TSSK6: variants seen among roughly 807,000 people sequenced by gnomAD.
TSSK6 encodes testis-specific serine/threonine-protein kinase 6.
Under a neutral mutation model 8.5 loss-of-function variants are expected in TSSK6, and 9 were observed. The observed-to-expected ratio is 1.06, with a 90% confidence interval of 0.64 to 1.85. The LOEUF is 1.85. Among genes scored for constraint, TSSK6 ranks in the 40% most tolerant of loss-of-function variants. TSSK6 has a pLI of 0.00. For missense variants in TSSK6, 311 were observed against 391.5 expected, an observed-to-expected ratio of 0.79 and a Z score of 1.73; for synonymous variants, 202 against 182.4, an observed-to-expected ratio of 1.11 and a Z score of -0.86.
In TSSK6 at chr19:19,514,723, C is replaced by T. The variant is rs2061037356; in HGVS notation, c.705G>A (p.Glu235=). The change falls in exon 1 of 1, where the codon GAG becomes GAA. Residue 235 remains glutamate (E), a synonymous_variant. Transcript: ENST00000585580. ...TCAGGGCCTTGCAGCGCTCGGACAG[C>T]TCGAGGCCTTCGGGATAGAGCACGC... ...KRGVLYPEGL[E]LSERCKALIA... is the part of the protein sequence containing the mutation. The T allele has an allele frequency of 6.2e-7, 1 of 1,602,414 alleles. No homozygotes were observed. Among genetic ancestry groups the T allele is most frequent in the South Asian group, 1.1e-5 (1 of 91,070 alleles).
rs779757829 is a variant in TSSK6 at position 19,515,168 on chromosome 19, TAC to T, written c.258_259del (p.Tyr87HisfsTer?). On this transcript the variant is annotated frameshift_variant, in exon 1 of 1. Transcript: ENST00000585580. LOFTEE classifies it low-confidence loss of function (END_TRUNC). ...GGTGGCGGCCGCTTCCATCACGATG[TAC>T]AGTTTCCCGTTGCACACCTCGATGA... is the stretch of plus-strand genomic sequence containing the variant. 7.8e-5 allele frequency: 126 copies of T among 1,607,570 alleles called. No individual in the cohort carries two copies. The highest frequency in any genetic ancestry group is 1.0e-4 in the Non-Finnish European group (118 of 1,179,908).
chr19:19,515,055 A>G lies in TSSK6; in HGVS notation c.373T>C (p.Tyr125His), dbSNP rs1418188676. The G allele has an allele frequency of 2.5e-6, 4 of 1,609,838 alleles. No individual in the cohort carries two copies. The highest frequency in any genetic ancestry group is 1.3e-5 in the African/African-American group (1 of 75,002). ...LFAQIAGAVR[Y>H]LHDHHLVHRD... ...TGCACCAGGTGATGATCGTGCAGGT[A>G]GCGCACGGCGCCGGCGATCTGCGCA... The change falls in exon 1 of 1, where the codon TAC becomes CAC. Residue 125 changes from tyrosine (Y) to histidine (H), a missense_variant. Tyr to His is a moderately conservative substitution (Grantham distance 83). Transcript: ENST00000585580.
In TSSK6 at chr19:19,514,695, C is replaced by T. The variant is rs1271819017; in HGVS notation, c.733G>A (p.Ala245Thr). ...ELSERCKALI[A>T]ELLQFSPSAR... ...GACGGGCTGAACTGCAGCAGCTCGG[C>T]GATCAGGGCCTTGCAGCGCTCGGAC... The change falls in exon 1 of 1, where the codon GCC becomes ACC. Residue 245 changes from alanine to threonine, a missense_variant. Ala to Thr is a moderately conservative substitution (Grantham distance 58). Coordinates refer to ENST00000585580, the MANE Select transcript of TSSK6 (RefSeq NM_032037.4). The T allele has an allele frequency of 1.2e-6, 2 of 1,600,990 alleles. No homozygotes were observed. The highest frequency in any genetic ancestry group is 2.2e-5 in the East Asian group (1 of 44,862).
At position 19,514,774 on chromosome 19, in the gene TSSK6, G is replaced by A. The variant is rs2061037819; in HGVS notation, c.654C>T (p.Ala218=). ...CGCGTTTCTGGCGCCGGGGCAGGCC[G>A]GCGATGTCCGAGTCGTCGAAGGGCA... ...GCMPFDDSDI[A]GLPRRQKRGV... The change falls in exon 1 of 1, where the codon GCC becomes GCT. Residue 218 remains alanine, a synonymous_variant. Transcript: ENST00000585580. The A allele has an allele frequency of 2.5e-6, 4 of 1,602,138 alleles. No homozygotes were observed. Among genetic ancestry groups the A allele is most frequent in the South Asian group, 1.1e-5 (1 of 91,028 alleles).
rs766485456 is a variant in TSSK6 at position 19,514,671 on chromosome 19, A to G, written c.757T>C (p.Ser253Pro). 1.3e-6 allele frequency: 2 copies of G among 1,599,398 alleles called. No individual in the cohort carries two copies. Among genetic ancestry groups the G allele is most frequent in the South Asian group, 1.1e-5 (1 of 91,000 alleles). ...LIAELLQFSP[S>P]ARPSAGQVAR... ...ACCTGGCCCGCGGAGGGCCTGGCGG[A>G]CGGGCTGAACTGCAGCAGCTCGGCG... is the stretch of plus-strand genomic sequence containing the variant. The change falls in exon 1 of 1, where the codon TCC (serine) becomes CCC (proline). Residue 253 changes from serine to proline, a missense_variant. Physicochemically the swap from Ser to Pro is moderately conservative, Grantham distance 74 (BLOSUM62 -1). Coordinates refer to ENST00000585580, the MANE Select transcript of TSSK6 (RefSeq NM_032037.4).
Position 19,514,580 on chromosome 19 carries a change from C to A in TSSK6, c.*26G>T. ...CGCCCTGGCCCAGTGCCCTTGGCTG[C>A]AGGAATGGCTGGAACCACCCGGCTT... On this transcript the variant is annotated 3_prime_UTR_variant, in exon 1 of 1. Transcript: ENST00000585580. 1 of 1,521,628 alleles carries A rather than the reference C, an allele frequency of 6.6e-7. No individual in the cohort carries two copies. Among genetic ancestry groups the A allele is most frequent in the Non-Finnish European group, 8.8e-7 (1 of 1,139,550 alleles). 94.3% of individuals were successfully genotyped at this position (1,521,628 alleles called of 1,614,324 possible).
chr19:19,514,892 G>T lies in TSSK6; in HGVS notation c.536C>A (p.Ser179Ter). Residue 179 changes from serine (S) to a stop codon, truncating the protein, a stop_gained, in exon 1 of 1, where the codon TCA becomes TAA. Coordinates refer to ENST00000585580, the MANE Select transcript of TSSK6 (RefSeq NM_032037.4). LOFTEE classifies it high-confidence loss of function. ...GGGGATGCCCAGGAGCACCTCGGGT[G>T]ACGCGTAGGCGGCTGAGCCGCAGTA... is the stretch of plus-strand genomic sequence containing the variant. ...TTYCGSAAYA[S>*]PEVLLGIPYD... 6.2e-7 allele frequency: 1 copy of T among 1,602,096 alleles called. No homozygotes were observed.
At position 19,514,442 on chromosome 19, in the gene TSSK6, C is replaced by A; in HGVS notation, c.*164G>T. ...GAACGTGGATTCCGAACAAGGGCAA[C>A]TGCGGACTCCCCCGTGGGAAGAAAG... On this transcript the variant is annotated 3_prime_UTR_variant, in exon 1 of 1. Transcript: ENST00000585580. The A allele has an allele frequency of 1.4e-6, 1 of 710,254 alleles. No individual in the cohort carries two copies. The highest frequency in any genetic ancestry group is 2.3e-6 in the Non-Finnish European group (1 of 442,894). 44.0% of individuals were successfully genotyped at this position (710,254 alleles called of 1,614,324 possible).
rs981295756 is a variant in TSSK6, at chr19:19,514,926, T to TC, written c.501dup (p.Ser168GlufsTer?). 2.5e-6 allele frequency: 4 copies of TC among 1,603,524 alleles called. No individual in the cohort carries two copies. Among genetic ancestry groups the TC allele is most frequent in the Non-Finnish European group, 3.4e-6 (4 of 1,176,288 alleles). The stretch of plus-strand genomic sequence containing the variant: ...GCGGCTGAGCCGCAGTAGGTGGTGC[T>TC]CAGGTCTGGGTAGCCATGGGCCTGG... On this transcript the variant is annotated frameshift_variant, in exon 1 of 1. Transcript: ENST00000585580. LOFTEE classifies it high-confidence loss of function.
rs368358836 is a variant in TSSK6 at position 19,514,321 on chromosome 19, G to C, written c.*285C>G. The C allele has an allele frequency of 3.0e-4, 142 of 470,666 alleles. 1 individual carries two copies. The East Asian group carries it at 4.5e-3, about 15-fold the overall frequency. 29.2% of individuals were successfully genotyped at this position (470,666 alleles called of 1,614,324 possible). A position where few individuals can be genotyped will look rare whatever the true frequency, so the allele number is the denominator to read the frequency against. On this transcript the variant is annotated 3_prime_UTR_variant, in exon 1 of 1. Transcript: ENST00000585580. ...GCGCAGAGGCTGAGAGTTCCGCGCA[G>C]GCGCAATGCTTCCGTCCCCTCTGGT...
chr19:19,515,057 C>A lies in TSSK6; in HGVS notation c.371G>T (p.Arg124Leu). ...DLFAQIAGAV[R>L]YLHDHHLVHR... ...CACCAGGTGATGATCGTGCAGGTAG[C>A]GCACGGCGCCGGCGATCTGCGCAAA... Residue 124 changes from arginine (R) to leucine (L), a missense_variant, in exon 1 of 1, where the codon CGC becomes CTC. By Grantham distance (102) the Arg-to-Leu change is moderately radical (BLOSUM62 -2). Transcript: ENST00000585580. 2 of 1,609,350 alleles carry A rather than the reference C, an allele frequency of 1.2e-6. No individual in the cohort carries two copies. Among genetic ancestry groups the A allele is most frequent in the Non-Finnish European group, 1.7e-6 (2 of 1,178,218 alleles).
Position 19,515,259 on chromosome 19 carries a change from G to A in TSSK6, c.169C>T (p.Leu57=), listed in dbSNP as rs1344532256. The change falls in exon 1 of 1, where the codon CTG becomes TTG. Residue 57 remains leucine (L), a synonymous_variant. Coordinates refer to ENST00000585580, the MANE Select transcript of TSSK6 (RefSeq NM_032037.4). The part of the protein sequence containing the change: ...RAPPDFVNKF[L]PRELSILRGV... ...CGCAGGATGGACAGCTCTCGCGGCA[G>A]GAACTTGTTGACGAAGTCCGGGGGC... is the stretch of plus-strand genomic sequence containing the variant. 3 of 1,613,450 alleles carry A rather than the reference G, an allele frequency of 1.9e-6. No homozygotes were observed. Among genetic ancestry groups the A allele is most frequent in the South Asian group, 2.2e-5 (2 of 91,092 alleles).
Position 19,514,623 on chromosome 19 carries a change from C to A in TSSK6, c.805G>T (p.Ala269Ser), listed in dbSNP as rs774827234. 3 of 1,587,044 alleles carry A rather than the reference C, an allele frequency of 1.9e-6. No homozygotes were observed. The highest frequency in any genetic ancestry group is 2.2e-5 in the East Asian group (1 of 44,468). ...GQVARNCWLR[A>S]GDSG The stretch of plus-strand genomic sequence containing the variant: ...CCCGGCTTCTAGCCGGAGTCCCCGG[C>A]GCGCAGCCAGCAGTTGCGCGCTACC... Residue 269 changes from alanine (A) to serine (S), a missense_variant, in exon 1 of 1, where the codon GCC becomes TCC. Transcript: ENST00000585580.
chr19:19,515,513 T>C lies in TSSK6; in HGVS notation c.-86A>G. On this transcript the variant is annotated 5_prime_UTR_variant, in exon 1 of 1. Transcript: ENST00000585580. Reference sequence around the variant, plus strand: ...CAATCTCGGGTCTAAGCCATGGCGCTTGGCACCTACACCCCCGCACCCCCA... The same window carrying C: ...CAATCTCGGGTCTAAGCCATGGCGCCTGGCACCTACACCCCCGCACCCCCA... 1 of 1,299,590 alleles carries C rather than the reference T, an allele frequency of 7.7e-7. No homozygotes were observed. The highest frequency in any genetic ancestry group is 1.1e-6 in the Non-Finnish European group (1 of 932,374). 80.5% of individuals were successfully genotyped at this position (1,299,590 alleles called of 1,614,324 possible).
At position 19,514,538 on chromosome 19, in the gene TSSK6, G is replaced by C; in HGVS notation, c.*68C>G. The C allele has an allele frequency of 7.3e-7, 1 of 1,361,696 alleles. No homozygotes were observed. The highest frequency in any genetic ancestry group is 1.5e-5 in the South Asian group (1 of 67,974). The allele number at this position is 1,361,696 out of a possible 1,614,324, so 84.4% of individuals were successfully genotyped here. A position where few individuals can be genotyped will look rare whatever the true frequency, so the allele number is the denominator to read the frequency against. ...AGCTTCGCATATTCCCTCGAAGCGC[G>C]CCTCTTGCGCGTGCGCCGCCCTGGC... On this transcript the variant is annotated 3_prime_UTR_variant, in exon 1 of 1. Coordinates refer to ENST00000585580, the MANE Select transcript of TSSK6 (RefSeq NM_032037.4).
Position 19,514,957 on chromosome 19 carries a change from G to A in TSSK6, c.471C>T (p.Phe157=), listed in dbSNP as rs768555500. Reference sequence around the variant, plus strand: ...CTGGGTAGCCATGGGCCTGGCGGCCGAAGCCGAAGTCGGTGAGCTTGACGC... The same window carrying A: ...CTGGGTAGCCATGGGCCTGGCGGCCAAAGCCGAAGTCGGTGAGCTTGACGC... ...ERRVKLTDFG[F]GRQAHGYPDL... Residue 157 remains phenylalanine, a synonymous_variant, in exon 1 of 1, where the codon TTC becomes TTT. Transcript: ENST00000585580. 6.2e-7 allele frequency: 1 copy of A among 1,602,486 alleles called. No homozygotes were observed. Among genetic ancestry groups the A allele is most frequent in the Non-Finnish European group, 8.5e-7 (1 of 1,174,050 alleles).
chr19:19,514,349 C>T lies in TSSK6; in HGVS notation c.*257G>A, dbSNP rs939784509. The T allele has an allele frequency of 7.0e-5, 38 of 545,166 alleles. No individual in the cohort carries two copies. Among genetic ancestry groups the T allele is most frequent in the East Asian group, 1.8e-4 (6 of 33,592 alleles). The allele number at this position is 545,166 out of a possible 1,614,324, so 33.8% of individuals were successfully genotyped here. A position where few individuals can be genotyped will look rare whatever the true frequency, so the allele number is the denominator to read the frequency against. ...GCAATGCTTCCGTCCCCTCTGGTCT[C>T]GCCCTCTCGGGGCCTGGTCGCAGGG... On this transcript the variant is annotated 3_prime_UTR_variant, in exon 1 of 1. Transcript: ENST00000585580.
rs751615264 is a variant in TSSK6, at chr19:19,515,279, G to C, written c.149C>G (p.Pro50Arg). The C allele has an allele frequency of 6.2e-7, 1 of 1,613,734 alleles. No individual in the cohort carries two copies. The highest frequency in any genetic ancestry group is 8.5e-7 in the Non-Finnish European group (1 of 1,179,982). ...CGGCAGGAACTTGTTGACGAAGTCC[G>C]GGGGCGCTCGCCGCCGGTCCACCAC... The part of the protein sequence containing the change: ...IKVVDRRRAP[P>R]DFVNKFLPRE... Residue 50 changes from proline (P) to arginine (R), a missense_variant, in exon 1 of 1, where the codon CCG (proline) becomes CGG (arginine). Transcript: ENST00000585580.
At position 19,515,026 on chromosome 19, in the gene TSSK6, G is replaced by A; in HGVS notation, c.402C>T (p.Arg134=). 6.2e-7 allele frequency: 1 copy of A among 1,611,210 alleles called. No homozygotes were observed. The highest frequency in any genetic ancestry group is 8.5e-7 in the Non-Finnish European group (1 of 1,178,926). Residue 134 remains arginine, a synonymous_variant, in exon 1 of 1, where the codon CGC becomes CGT. Transcript: ENST00000585580. ...RYLHDHHLVH[R]DLKCENVLLS... is the part of the protein sequence containing the mutation. ...GCAGCACGTTTTCGCACTTGAGGTCGCGGTGCACCAGGTGATGATCGTGCA... is the reference window on the plus strand; with the variant it reads ...GCAGCACGTTTTCGCACTTGAGGTCACGGTGCACCAGGTGATGATCGTGCA...
Sources: allele counts gnomAD v4.1 joint callset, GRCh38; gene constraint gnomAD v4.1.1; transcripts MANE v1.5; gene names NCBI Gene and HGNC (gene_info 2026-07-23, HGNC 2026-07-21).